Variants in LRRC69 observed in about 807,000 individuals in gnomAD.
LRRC69 encodes leucine rich repeat containing 69.
A neutral mutation model predicts 37.8 loss-of-function variants in LRRC69; 42 were observed. That is an observed-to-expected ratio of 1.11 (90% CI 0.87 to 1.44). The LOEUF is 1.44. LRRC69 is among the 40% of genes most tolerant of loss of function. LRRC69 has a pLI of 0.00. For missense variants in LRRC69, 357 were observed against 401.9 expected, an observed-to-expected ratio of 0.89 and a Z score of 0.96; for synonymous variants, 141 against 143.1, an observed-to-expected ratio of 0.99 and a Z score of 0.11.
At chr8:91,146,137 C>T (rs554922583) in intron 5 of LRRC69, among the ~76,000 whole-genome samples, 4 of 151,902 alleles carry the variant, frequency 2.6e-5, no homozygotes, top group Admixed American at 2.6e-4. Flanking sequence ...CCCTGTTTCA[C>T]ATGGTATAGT....
chr8:91,202,297 A>C (rs1809723748), intron 7 of LRRC69, among the ~76,000 whole-genome samples: 1 of 152,230 alleles, frequency 6.6e-6, no homozygotes, highest in Non-Finnish European at 1.5e-5. Flanking sequence ...TAGAGGCTAG[A>C]AGTTTAAAAT....
chr8:91,189,601 A>G, exon 6 of LRRC69: 1 of 1,551,206 alleles, frequency 6.4e-7, no homozygotes, highest in Non-Finnish European at 8.7e-7. Flanking sequence ...TCTACACAGC[A>G]GGAGAACGTC....
intron 1 of LRRC69, among the ~76,000 whole-genome samples, chr8:91,119,214 ACT>A (rs1303760234): frequency 3.3e-5 from 5 of 152,072 alleles, no homozygotes; most frequent in South Asian, 2.1e-4. Flanking sequence ...CTCAAAGGTA[ACT>A]CTATCCTTGC....
At chr8:91,196,799 C>T (rs528004735) in intron 6 of LRRC69, among the ~76,000 whole-genome samples, 24 of 152,010 alleles carry the variant, frequency 1.6e-4, no homozygotes, top group East Asian at 3.9e-4. Flanking sequence ...AATGTCCTCC[C>T]GTAGCTCAGA....
At chr8:91,191,640 G>C (rs1387715527) in intron 6 of LRRC69, among the ~76,000 whole-genome samples, 2 of 152,146 alleles carry the variant, frequency 1.3e-5, no homozygotes, top group African/African-American at 4.8e-5. Context: ...GATATAGGGA[G>C]CTGAGGGAAA....
chr8:91,181,088 CTGTT>C (rs1008515850), intron 5 of LRRC69, among the ~76,000 whole-genome samples: 39 of 152,012 alleles, frequency 2.6e-4, no homozygotes, highest in African/African-American at 9.4e-4. Flanking sequence ...CTGAGTATAA[CTGTT>C]TGAGACATTT....
chr8:91,211,840 C>G (rs933202039), intron 7 of LRRC69, among the ~76,000 whole-genome samples: 1 of 151,752 alleles, frequency 6.6e-6, no homozygotes, highest in Non-Finnish European at 1.5e-5. Context: ...GAGGGAGACA[C>G]TGGATGATAA....
chr8:91,185,962 C>A (rs922943429), intron 5 of LRRC69, among the ~76,000 whole-genome samples: 1 of 152,116 alleles, frequency 6.6e-6, no homozygotes, highest in African/African-American at 2.4e-5. Flanking sequence ...CTAATCTAGC[C>A]CCCTTCTGAT....
At chr8:91,102,933 A>T (rs902664941) in intron 1 of LRRC69, 89 bp downstream of exon 1, 2 of 1,224,106 alleles carry the variant, frequency 1.6e-6, no homozygotes, top group Admixed American at 5.8e-5. Flanking sequence ...GAACAATAAC[A>T]CTTCGATCTA....
At chr8:91,156,859 C>G (rs1808844937) in intron 5 of LRRC69, among the ~76,000 whole-genome samples, 2 of 151,034 alleles carry the variant, frequency 1.3e-5, no homozygotes, top group African/African-American at 2.4e-5. Flanking sequence ...TTTCCCAGCA[C>G]CGTTTTTTGA....
intron 5 of LRRC69, among the ~76,000 whole-genome samples, chr8:91,170,999 T>C (rs1809117293): frequency 1.3e-5 from 2 of 148,274 alleles, no homozygotes; most frequent in Non-Finnish European, 3.0e-5. Flanking sequence ...CGCAACCTAC[T>C]CATCTGACAA....
At chr8:91,106,968 A>AT (rs764290838) in intron 1 of LRRC69, among the ~76,000 whole-genome samples, 11 of 136,950 alleles carry the variant, frequency 8.0e-5, no homozygotes, top group South Asian at 4.9e-4. Flanking sequence ...AATTAAAAAA[A>AT]TTTTTTTTTT....
At chr8:91,194,876 C>T (rs1809568247) in intron 6 of LRRC69, among the ~76,000 whole-genome samples, 1 of 151,466 alleles carries the variant, frequency 6.6e-6, no homozygotes, top group Non-Finnish European at 1.5e-5. Context: ...TATTTCTTGC[C>T]TTCTGCTAGC....
At chr8:91,170,913 A>G (rs1345928111) in intron 5 of LRRC69, among the ~76,000 whole-genome samples, 2 of 139,450 alleles carry the variant, frequency 1.4e-5, no homozygotes, top group Admixed American at 1.5e-4. Context: ...GATCTAATTA[A>G]ACTAAAGAGC....
rs2130610098 is a variant in LRRC69, at chr8:91,189,630, A to T, written c.753+7A>T. ...GAACGTCTGGAGTCTACAGGTGAAG[A>T]CTTACCTCATTAACTTAAGTCTTCA... On this transcript the variant is annotated splice_region_variant and intron_variant, in intron 6 of 7. Coordinates refer to ENST00000448384, the Ensembl canonical transcript of LRRC69. 2 of 1,510,570 alleles carry T rather than the reference A, an allele frequency of 1.3e-6. No individual in the cohort carries two copies. Among genetic ancestry groups the T allele is most frequent in the South Asian group, 1.3e-5 (1 of 79,934 alleles). 93.6% of individuals were successfully genotyped at this position (1,510,570 alleles called of 1,614,324 possible). A position where few individuals can be genotyped will look rare whatever the true frequency, so the allele number is the denominator to read the frequency against.
chr8:91,157,979 G>A (rs745705837), intron 5 of LRRC69: 76 of 1,364,914 alleles, frequency 5.6e-5, no homozygotes, highest in Non-Finnish European at 7.9e-5. Flanking sequence ...AGCTGAAGAA[G>A]AACATCTGGG....
chr8:91,184,094 A>G (rs1173649273), intron 5 of LRRC69, among the ~76,000 whole-genome samples: 1 of 152,118 alleles, frequency 6.6e-6, no homozygotes, highest in African/African-American at 2.4e-5. Context: ...CCTGGGCAAT[A>G]TGGTGAAACC....
chr8:91,153,447 G>GGTAC (rs1808777602), intron 5 of LRRC69, among the ~76,000 whole-genome samples: 1 of 149,632 alleles, frequency 6.7e-6, no homozygotes, highest in Non-Finnish European at 1.5e-5. Flanking sequence ...CTCTAAAATT[G>GGTAC]ATGAAATAAT....
At chr8:91,139,039 A>ACC (rs1563601337) in intron 5 of LRRC69, 2 of 150,032 alleles carry the variant, frequency 1.3e-5, no homozygotes, top group African/African-American at 2.5e-5. Flanking sequence ...ACACAGTGAG[A>ACC]CCCTGTCTTG....
Sources: allele counts gnomAD v4.1 joint callset (sites outside exome capture counted in the v4.1 genomes callset), GRCh38; gene constraint gnomAD v4.1.1; transcripts MANE v1.5; gene names NCBI Gene and HGNC (gene_info 2026-07-23, HGNC 2026-07-21).